Variants in BANK1 observed in about 807,000 individuals in gnomAD.
The protein encoded by BANK1 is B-cell scaffold protein with ankyrin repeats.
In BANK1, 95 loss-of-function variants were observed where a neutral mutation model predicts 94.5. The ratio of observed to expected loss-of-function variants is 1.00; its 90% CI spans 0.85 to 1.19. The LOEUF (loss-of-function observed/expected upper bound fraction) is 1.19. Ranked by LOEUF, BANK1 falls within the 50% of genes most tolerant of loss-of-function variation. The pLI, the probability that BANK1 is intolerant of heterozygous loss-of-function variation, is 0.00. For missense variants in BANK1, 987 were observed against 932.2 expected, an observed-to-expected ratio of 1.06 and a Z score of -0.77; for synonymous variants, 334 against 308.4, an observed-to-expected ratio of 1.08 and a Z score of -0.87.
Position 101,855,158 on chromosome 4 carries a change from C to T in BANK1, c.593C>T (p.Ala198Val). ...SEASRNTIPL[A>V]VVLPTEIPCE... Reference sequence around the variant, plus strand: ...GCTTCAAGAAACACCATACCACTAGCAGTGGTGCTTCCCACTGAAATTCCA... The same window carrying T: ...GCTTCAAGAAACACCATACCACTAGTAGTGGTGCTTCCCACTGAAATTCCA... The change falls in exon 3 of 17, where the codon GCA (alanine) becomes GTA (valine). Residue 198 changes from alanine (A) to valine (V), a missense_variant. Coordinates refer to ENST00000322953, the MANE Select transcript of BANK1 (RefSeq NM_017935.5). 6.2e-7 allele frequency: 1 copy of T among 1,613,100 alleles called. No homozygotes were observed. Among genetic ancestry groups the T allele is most frequent in the Non-Finnish European group, 8.5e-7 (1 of 1,179,294 alleles).
At chr4:102,044,348 A>G (rs1479159252) in intron 11 of BANK1, among the ~76,000 whole-genome samples, 4 of 152,220 alleles carry the variant, frequency 2.6e-5, no homozygotes, top group Non-Finnish European at 5.9e-5. Context: ...ATGTCCCTAC[A>G]GAGGATATGA....
intron 11 of BANK1, among the ~76,000 whole-genome samples, chr4:102,052,113 CTTTTTTTT>C (rs199811166): frequency 1.9e-5 from 2 of 104,014 alleles, no homozygotes; most frequent in East Asian, 2.6e-4. Context: ...TTCTTTTTTT[CTTTTTTTT>C]TTTTTTTTTT....
At chr4:102,063,345 G>A (rs1195632191) in intron 13 of BANK1, among the ~76,000 whole-genome samples, 1 of 151,808 alleles carries the variant, frequency 6.6e-6, no homozygotes, top group Non-Finnish European at 1.5e-5. Flanking sequence ...GGGTGCTTGT[G>A]TAAGTTAACA....
At chr4:101,833,285 T>G (rs1726698950) in intron 2 of BANK1, among the ~76,000 whole-genome samples, 1 of 152,182 alleles carries the variant, frequency 6.6e-6, no homozygotes, top group South Asian at 2.1e-4. Flanking sequence ...GGCCTCAAGT[T>G]TTCTTATGTG....
At chr4:101,863,423 T>C (rs1389849905) in intron 4 of BANK1, among the ~76,000 whole-genome samples, 1 of 152,082 alleles carries the variant, frequency 6.6e-6, no homozygotes, top group East Asian at 1.9e-4. Context: ...ATAAAATATT[T>C]TGAAATAAAA....
chr4:101,856,850 C>T (rs922066845), intron 3 of BANK1, among the ~76,000 whole-genome samples: 1 of 152,072 alleles, frequency 6.6e-6, no homozygotes, highest in Non-Finnish European at 1.5e-5. Flanking sequence ...GAATCCTAAA[C>T]ATTTAAAAGG....
chr4:101,820,199 A>T (rs1489466804), intron 1 of BANK1, among the ~76,000 whole-genome samples: 6 of 152,186 alleles, frequency 3.9e-5, no homozygotes. Flanking sequence ...AGTCAGATCC[A>T]ATCTTCTGAT....
intron 7 of BANK1, among the ~76,000 whole-genome samples, chr4:101,976,225 G>A (rs541765366): frequency 6.6e-5 from 10 of 152,138 alleles, no homozygotes; most frequent in South Asian, 4.1e-4. Flanking sequence ...GGCTGTCTCT[G>A]GATCTATACT....
At chr4:101,852,868 T>A (rs950608667) in intron 2 of BANK1, among the ~76,000 whole-genome samples, 2 of 152,144 alleles carry the variant, frequency 1.3e-5, no homozygotes, top group Non-Finnish European at 2.9e-5. Flanking sequence ...AACTTTTTTT[T>A]ACCTAATATC....
chr4:102,030,681 C>T (rs976381454), intron 10 of BANK1, among the ~76,000 whole-genome samples: 1 of 148,286 alleles, frequency 6.7e-6, no homozygotes, highest in African/African-American at 2.5e-5. Flanking sequence ...TGAGTGAGAA[C>T]ATGCAGTGTT....
chr4:101,863,050 T>G lies in BANK1; in HGVS notation c.763+386T>G, dbSNP rs117918789. ...ACTCTATTTTTTTCCCTTTCTTTCTTTTTTCCCCCAAGTCTCTGGTATATT... is the reference window on the plus strand; with the variant it reads ...ACTCTATTTTTTTCCCTTTCTTTCTGTTTTCCCCCAAGTCTCTGGTATATT... On this transcript the variant is annotated intron_variant, in intron 4 of 16. Coordinates refer to ENST00000322953, the MANE Select transcript of BANK1 (RefSeq NM_017935.5). Among the ~76,000 whole-genome samples the G allele has an allele frequency of 2.8e-3, 418 of 151,974 alleles. 22 individuals are homozygous for G. The East Asian group carries it at 0.076, about 28-fold the overall frequency.
chr4:101,818,811 G>A (rs1726021578), intron 1 of BANK1, among the ~76,000 whole-genome samples: 2 of 150,980 alleles, frequency 1.3e-5, no homozygotes, highest in South Asian at 4.2e-4. Context: ...GCTATCTGTA[G>A]TTTCAGGGAT....
chr4:101,836,139 C>A (rs1364750222), intron 2 of BANK1, among the ~76,000 whole-genome samples: 3 of 151,946 alleles, frequency 2.0e-5, no homozygotes, highest in Non-Finnish European at 4.4e-5. Context: ...ATTTTTTTAA[C>A]CATTTCTTTT....
intron 7 of BANK1, among the ~76,000 whole-genome samples, chr4:101,993,182 G>T (rs1313324912): frequency 6.6e-6 from 1 of 152,150 alleles, no homozygotes; most frequent in Non-Finnish European, 1.5e-5. Context: ...CTAAGTGAGT[G>T]GCTGTAAGTA....
chr4:101,842,373 T>G (rs28658066), intron 2 of BANK1, among the ~76,000 whole-genome samples: 4,653 of 152,316 alleles, frequency 0.031, 248 homozygotes, highest in African/African-American at 0.11. Flanking sequence ...CATTAATAAA[T>G]TCTATGAGCC....
chr4:101,833,954 T>A (rs1375001501), intron 2 of BANK1, among the ~76,000 whole-genome samples: 1 of 152,174 alleles, frequency 6.6e-6, no homozygotes, highest in Admixed American at 6.5e-5. Context: ...ATTATTTTTT[T>A]AAATCACAGT....
intron 1 of BANK1, among the ~76,000 whole-genome samples, chr4:101,793,054 T>A (rs1264714747): frequency 6.6e-6 from 1 of 152,218 alleles, no homozygotes; most frequent in Non-Finnish European, 1.5e-5. Context: ...TCACAGATTT[T>A]TCTCCACACC....
chr4:102,045,470 G>A (rs139263277), intron 11 of BANK1, among the ~76,000 whole-genome samples: 2,523 of 152,204 alleles, frequency 0.017, 49 homozygotes, highest in African/African-American at 0.056. Context: ...GAAATAAAGG[G>A]TATTCAATTG....
At chr4:101,947,023 A>G (rs1288033456) in intron 7 of BANK1, among the ~76,000 whole-genome samples, 1 of 151,756 alleles carries the variant, frequency 6.6e-6, no homozygotes, top group Non-Finnish European at 1.5e-5. Context: ...AAAGAGAAGT[A>G]AGTCATAAAT....
Sources: gnomAD v4.1 joint callset for allele counts (sites outside exome capture counted in the v4.1 genomes callset) on GRCh38, gnomAD v4.1.1 for gene constraint, MANE v1.5 for transcripts, NCBI Gene and HGNC (gene_info 2026-07-23, HGNC 2026-07-21) for gene names.